The following EIF4A2 variants were observed in gnomAD, a reference collection of about 807,000 sequenced individuals.
EIF4A2 encodes the protein eukaryotic translation initiation factor 4A2.
Under a neutral mutation model 50.6 loss-of-function variants are expected in EIF4A2, and 9 were observed. The ratio of observed to expected loss-of-function variants is 0.18; its 90% CI spans 0.11 to 0.31. EIF4A2 has a LOEUF of 0.31. Ranked by LOEUF, EIF4A2 falls within the 10% of genes least tolerant of loss-of-function variation. The pLI is 1.00. For missense variants in EIF4A2, 182 were observed against 501.8 expected (o/e 0.36, Z 6.09); for synonymous variants, 215 against 164.4 (o/e 1.31, Z -2.35).
chr3:186,784,183 G>A (rs1721549866), intron 1 of EIF4A2: 1 of 573,608 alleles, frequency 1.7e-6, no homozygotes, highest in South Asian at 2.2e-5. Flanking sequence ...GGCGCTCCGA[G>A]CTCTCGCGAG....
At chr3:186,784,779 C>T (rs1418010841) in intron 3 of EIF4A2, 83 bp downstream of exon 3, 2 of 1,605,992 alleles carry the variant, frequency 1.2e-6, no homozygotes, top group East Asian at 2.2e-5. Context: ...GGGACTAGCA[C>T]CTGTTTGTAT....
At chr3:186,787,631 T>TG (rs762251290) in intron 9 of EIF4A2, 47 bp downstream of exon 9, 109 of 1,612,286 alleles carry the variant, frequency 6.8e-5, no homozygotes, top group Non-Finnish European at 8.7e-5. Context: ...GTTAGCTTTT[T>TG]GGGGGGCAGG....
intron 9 of EIF4A2, 31 bp downstream of exon 9, chr3:186,787,615 C>A (rs1177498977): frequency 9.9e-6 from 16 of 1,613,140 alleles, no homozygotes; most frequent in Non-Finnish European, 1.4e-5. Context: ...TAAAAATCTA[C>A]CAAAAGTTAG....
At chr3:186,784,344 G>T (rs1721564874) in intron 1 of EIF4A2, 88 bp from the exon 2 acceptor site, 1 of 1,592,904 alleles carries the variant, frequency 6.3e-7, no homozygotes, top group Non-Finnish European at 8.6e-7. Context: ...AGGCTAACGT[G>T]CTGAGACGGG....
chr3:186,784,918 CAATTT>C, intron 3 of EIF4A2, 39 bp from the exon 4 acceptor site: 1 of 1,613,876 alleles, frequency 6.2e-7, no homozygotes. Context: ...GTAGAAGTGA[CAATTT>C]GATGTGGGAT....
At position 186,789,432 on chromosome 3, in the gene EIF4A2, T is replaced by TTG; in HGVS notation, c.*166_*167dup. ...GCAAAGCGACGTTAGTCGTGAGCTC[T>TTG]TGTGAGGAAAGTCATTGGCTTTATC... is the stretch of plus-strand genomic sequence containing the variant. On this transcript the variant is annotated 3_prime_UTR_variant, in exon 11 of 11. Transcript: ENST00000323963. The TTG allele has an allele frequency of 5.0e-6, 5 of 1,000,960 alleles. No homozygotes were observed. Among genetic ancestry groups the TTG allele is most frequent in the Non-Finnish European group, 6.9e-6 (5 of 720,362 alleles). 62.0% of individuals were successfully genotyped at this position (1,000,960 alleles called of 1,614,324 possible).
Position 186,787,787 on chromosome 3 carries a change from T to C in EIF4A2, c.1000-16T>C, listed in dbSNP as rs1721832097. 2 of 1,614,018 alleles carry C rather than the reference T, an allele frequency of 1.2e-6. No individual in the cohort carries two copies. Among genetic ancestry groups the C allele is most frequent in the Non-Finnish European group, 1.7e-6 (2 of 1,179,938 alleles). The stretch of plus-strand genomic sequence containing the variant: ...TTTTTTTGAATCAATTTTTAAAACA[T>C]GCCATTGTGTTTCAGGCTCGCGGGA... On this transcript the variant is annotated splice_polypyrimidine_tract_variant and intron_variant, in intron 9 of 10. Coordinates refer to ENST00000323963, the MANE Select transcript of EIF4A2 (RefSeq NM_001967.4).
chr3:186,789,306 T>C lies in EIF4A2; in HGVS notation c.*37T>C. The C allele has an allele frequency of 6.3e-7, 1 of 1,581,074 alleles. No homozygotes were observed. The highest frequency in any genetic ancestry group is 8.6e-7 in the Non-Finnish European group (1 of 1,164,358). On this transcript the variant is annotated 3_prime_UTR_variant, in exon 11 of 11. Transcript: ENST00000323963. ...AGAGTTTTGGATGCAGTGCTCGCTGTTGCTGAATAGGCGATCACAACGTGC... is the reference window on the plus strand; with the variant it reads ...AGAGTTTTGGATGCAGTGCTCGCTGCTGCTGAATAGGCGATCACAACGTGC...
At chr3:186,787,653 C>A (rs778284644) in intron 9 of EIF4A2, 69 bp downstream of exon 9, 5 of 1,603,148 alleles carry the variant, frequency 3.1e-6, no homozygotes, top group Non-Finnish European at 4.3e-6. Flanking sequence ...TTTTAAGTAA[C>A]CTTTGCCAAC....
In EIF4A2 at chr3:186,789,856, A is replaced by G; in HGVS notation, c.*587A>G. 2 of 739,750 alleles carry G rather than the reference A, an allele frequency of 2.7e-6. No individual in the cohort carries two copies. Among genetic ancestry groups the G allele is most frequent in the Non-Finnish European group, 4.4e-6 (2 of 450,824 alleles). 45.8% of individuals were successfully genotyped at this position (739,750 alleles called of 1,614,324 possible). ...AAAATTGCCATATTGCACATGTCTT[A>G]ATGAAGTTTGAATGTTAAATAAATT... On this transcript the variant is annotated 3_prime_UTR_variant, in exon 11 of 11. Coordinates refer to ENST00000323963, the MANE Select transcript of EIF4A2 (RefSeq NM_001967.4).
Position 186,786,497 on chromosome 3 carries a change from T to C in EIF4A2, c.628-5T>C, listed in dbSNP as rs367898551. 41 of 1,610,858 alleles carry C rather than the reference T, an allele frequency of 2.5e-5. No individual in the cohort carries two copies. Among genetic ancestry groups the C allele is most frequent in the Non-Finnish European group, 3.4e-5 (40 of 1,179,374 alleles). ...TGTGCTACAACATAATTTTCTCTTT[T>C]TAAGGTTGTGTTGCTTTCTGCCACA... On this transcript the variant is annotated splice_polypyrimidine_tract_variant and splice_region_variant and intron_variant, in intron 6 of 10. Transcript: ENST00000323963.
chr3:186,787,435 G>C, intron 8 of EIF4A2, 60 bp from the exon 9 acceptor site: 2 of 1,610,470 alleles, frequency 1.2e-6, no homozygotes, highest in Non-Finnish European at 1.7e-6. Flanking sequence ...CATACATGTT[G>C]ATTAAAATTA....
In EIF4A2 at chr3:186,786,661, T is replaced by A; in HGVS notation, c.771+16T>A. The A allele has an allele frequency of 6.2e-7, 1 of 1,613,458 alleles. No homozygotes were observed. Among genetic ancestry groups the A allele is most frequent in the Non-Finnish European group, 8.5e-7 (1 of 1,179,804 alleles). On this transcript the variant is annotated intron_variant, in intron 7 of 10. Transcript: ENST00000323963. Reference sequence around the variant, plus strand: ...TGAGAGAGAGGTAACTGTCTGATTGTTAGACATTATTTTACCTTCTTGTAT... The same window carrying A: ...TGAGAGAGAGGTAACTGTCTGATTGATAGACATTATTTTACCTTCTTGTAT...
In EIF4A2 at chr3:186,789,323, A is replaced by G; in HGVS notation, c.*54A>G. ...GCTCGCTGTTGCTGAATAGGCGATCACAACGTGCATTGTGCTTCTTTCTTT... is the reference window on the plus strand; with the variant it reads ...GCTCGCTGTTGCTGAATAGGCGATCGCAACGTGCATTGTGCTTCTTTCTTT... On this transcript the variant is annotated 3_prime_UTR_variant, in exon 11 of 11. Coordinates refer to ENST00000323963, the MANE Select transcript of EIF4A2 (RefSeq NM_001967.4). 1 of 1,565,434 alleles carries G rather than the reference A, an allele frequency of 6.4e-7. No individual in the cohort carries two copies. The highest frequency in any genetic ancestry group is 8.7e-7 in the Non-Finnish European group (1 of 1,154,892).
chr3:186,789,603 A>G lies in EIF4A2; in HGVS notation c.*334A>G, dbSNP rs1021348182. ...ATAATATACTTGTGGACTAAAAGAT[A>G]TAAGTGCTGTATAAAATCAGCCAAT... On this transcript the variant is annotated 3_prime_UTR_variant, in exon 11 of 11. Transcript: ENST00000323963. The G allele has an allele frequency of 3.0e-6, 1 of 332,320 alleles. No individual in the cohort carries two copies. Among genetic ancestry groups the G allele is most frequent in the Admixed American group, 4.5e-5 (1 of 22,254 alleles). The allele number at this position is 332,320 out of a possible 1,614,324, so 20.6% of individuals were successfully genotyped here.
intron 4 of EIF4A2, 134 bp downstream of exon 4, chr3:186,785,235 A>G: frequency 7.4e-7 from 1 of 1,349,696 alleles, no homozygotes; most frequent in Non-Finnish European, 1.0e-6. Flanking sequence ...GCATGCAGGG[A>G]GTTTTTGTTG....
chr3:186,787,462 G>T, intron 8 of EIF4A2, 33 bp from the exon 9 acceptor site: 1 of 1,612,232 alleles, frequency 6.2e-7, no homozygotes, highest in Non-Finnish European at 8.5e-7. Flanking sequence ...GACCTGACTG[G>T]TGATTCTTGA....
At position 186,786,603 on chromosome 3, in the gene EIF4A2, C is replaced by T; in HGVS notation, c.729C>T (p.Thr243=). The part of the protein sequence containing the change: ...IRILVKKEEL[T]LEGIKQFYIN... ...TTCTGGTGAAAAAGGAAGAATTGAC[C>T]CTTGAAGGAATCAAACAGTTTTATA... Residue 243 remains threonine (T), a synonymous_variant, in exon 7 of 11, where the codon ACC becomes ACT. Coordinates refer to ENST00000323963, the MANE Select transcript of EIF4A2 (RefSeq NM_001967.4). 1 of 1,613,940 alleles carries T rather than the reference C, an allele frequency of 6.2e-7. No homozygotes were observed. Among genetic ancestry groups the T allele is most frequent in the Non-Finnish European group, 8.5e-7 (1 of 1,179,968 alleles).
Position 186,789,814 on chromosome 3 carries a change from AGGGTT to A in EIF4A2, c.*546_*550del. 1 of 607,336 alleles carries A rather than the reference AGGGTT, an allele frequency of 1.6e-6. No individual in the cohort carries two copies. Among genetic ancestry groups the A allele is most frequent in the South Asian group, 2.1e-5 (1 of 48,580 alleles). 37.6% of individuals were successfully genotyped at this position (607,336 alleles called of 1,614,324 possible). On this transcript the variant is annotated 3_prime_UTR_variant, in exon 11 of 11. Transcript: ENST00000323963. ...TAAGCCCCAGCAAGCAATCCTAGGT[AGGGTT>A]TAATCCCCAGTAAAATTGCCATATT...
Sources: gnomAD v4.1 joint callset for allele counts on GRCh38, gnomAD v4.1.1 for gene constraint, MANE v1.5 for transcripts, NCBI Gene and HGNC (gene_info 2026-07-23, HGNC 2026-07-21) for gene names.